GALNT15: variants seen among roughly 807,000 people sequenced by gnomAD.
GALNT15 encodes UDP-GalNAc transferase T15.
Under a neutral mutation model 66.8 loss-of-function variants are expected in GALNT15, and 67 were observed. That is an observed-to-expected ratio of 1.00 (90% CI 0.82 to 1.23). The LOEUF (loss-of-function observed/expected upper bound fraction) is 1.23, where lower values mean the gene tolerates loss of function less well. GALNT15 is among the 50% of genes most tolerant of loss of function. The pLI is 0.00. For missense variants in GALNT15, 827 were observed against 804.3 expected, an observed-to-expected ratio of 1.03 and a Z score of -0.34; for synonymous variants, 313 against 311.5, an observed-to-expected ratio of 1.00 and a Z score of -0.05.
the GALNT15 span, among the ~76,000 whole-genome samples, chr3:16,242,286 G>A: frequency 6.6e-6 from 1 of 152,180 alleles, no homozygotes; most frequent in Admixed American, 6.5e-5. The surrounding 1 kb of genome is among the most constrained non-coding windows in gnomAD (Gnocchi z 5.6). Flanking sequence ...ATGCCTGCAG[G>A]CCCAGTGGCT....
the GALNT15 span, among the ~76,000 whole-genome samples, chr3:16,242,600 A>T: frequency 7.4e-3 from 1,120 of 152,168 alleles, 11 homozygotes; most frequent in Middle Eastern, 0.017. The surrounding 1 kb of genome is among the most constrained non-coding windows in gnomAD (Gnocchi z 5.6). Flanking sequence ...TCTACCAAAA[A>T]AAAATAAAAT....
rs557659193 is a variant in GALNT15, at chr3:16,200,237, G to A, written c.707-382G>A. Among the ~76,000 whole-genome samples, 1 of 152,102 alleles carries A rather than the reference G, an allele frequency of 6.6e-6. No individual in the cohort carries two copies. The highest frequency in any genetic ancestry group is 1.5e-5 in the Non-Finnish European group (1 of 68,016). On this transcript the variant is annotated intron_variant, in intron 2 of 9. Coordinates refer to ENST00000339732, the MANE Select transcript of GALNT15 (RefSeq NM_054110.5). The surrounding 1 kb of genome is among the most constrained non-coding windows in gnomAD (Gnocchi z 4.4). ...CACATGATCCAATCACCTCCCACCA[G>A]GTCCCTCCCTCGCCACATAGGGATT...
At chr3:16,238,926 C>T in the GALNT15 span, among the ~76,000 whole-genome samples, 1 of 152,178 alleles carries the variant, frequency 6.6e-6, no homozygotes, top group Non-Finnish European at 1.5e-5. The surrounding 1 kb of genome is among the most constrained non-coding windows in gnomAD (Gnocchi z 4.8). Flanking sequence ...TAGTTGAGGA[C>T]AGGCAGTTCT....
In GALNT15 at chr3:16,203,342, G is replaced by A. The variant is rs1016671822; in HGVS notation, c.911+2519G>A. Among the ~76,000 whole-genome samples, 8 of 151,974 alleles carry A rather than the reference G, an allele frequency of 5.3e-5. No individual in the cohort carries two copies. In the East Asian group the frequency reaches 5.8e-4, roughly 11 times the overall value. ...CAGAGCTAGGTGAAGGTAGAAAGACGTGGCACTACCTCAGTGTCCTAGGCT... is the reference window on the plus strand; with the variant it reads ...CAGAGCTAGGTGAAGGTAGAAAGACATGGCACTACCTCAGTGTCCTAGGCT... On this transcript the variant is annotated intron_variant, in intron 3 of 9. Coordinates refer to ENST00000339732, the MANE Select transcript of GALNT15 (RefSeq NM_054110.5). The surrounding 1 kb of genome is among the most constrained non-coding windows in gnomAD (Gnocchi z 6.2).
At chr3:16,238,576 T>C in the GALNT15 span, among the ~76,000 whole-genome samples, 1 of 152,180 alleles carries the variant, frequency 6.6e-6, no homozygotes, top group African/African-American at 2.4e-5. The surrounding 1 kb of genome is among the most constrained non-coding windows in gnomAD (Gnocchi z 4.8). Context: ...CTCCGTTTTA[T>C]ATTATCTCAT....
At chr3:16,221,527 T>C (rs1314383386) in intron 8 of GALNT15, among the ~76,000 whole-genome samples, 2 of 152,308 alleles carry the variant, frequency 1.3e-5, no homozygotes, top group Admixed American at 1.3e-4. Context: ...CCCGGGAATC[T>C]ACAGCTGTTG....
rs1365501329 is a variant in GALNT15, at chr3:16,219,701, GT to G, written c.1524+171del. ...ATGCCAGTCTGAGGAAGGTGGCTGAGTTTTGCCCCATTACCCACCCCAAAGC... is the reference window on the plus strand; with the variant it reads ...ATGCCAGTCTGAGGAAGGTGGCTGAGTTTGCCCCATTACCCACCCCAAAGC... On this transcript the variant is annotated intron_variant, in intron 7 of 9. Transcript: ENST00000339732. This position sits in a 1 kb window ranked among gnomAD's most constrained non-coding sequence, Gnocchi z 4.3. Among the ~76,000 whole-genome samples the G allele has an allele frequency of 6.6e-5, 10 of 152,344 alleles. No individual in the cohort carries two copies. The South Asian group carries it at 2.1e-3, about 32-fold the overall frequency.
chr3:16,206,027 A>G (rs974123347), intron 3 of GALNT15, among the ~76,000 whole-genome samples: 1 of 152,224 alleles, frequency 6.6e-6, no homozygotes, highest in African/African-American at 2.4e-5. Flanking sequence ...GAGAAACATA[A>G]TGAATTTTAG....
downstream of GALNT15, chr3:16,231,950 C>A (rs2064086159): frequency 2.6e-6 from 4 of 1,520,536 alleles, no homozygotes; most frequent in Admixed American, 6.2e-5. The surrounding 1 kb of genome is among the most constrained non-coding windows in gnomAD (Gnocchi z 4.1). Flanking sequence ...TCAAGGGTGG[C>A]ATTGTTTAAT....
At chr3:16,202,240 G>A (rs989723501) in intron 3 of GALNT15, among the ~76,000 whole-genome samples, 13 of 152,222 alleles carry the variant, frequency 8.5e-5, no homozygotes, top group Non-Finnish European at 1.8e-4. Context: ...ACAGATTAAT[G>A]TTTCCCAGTT....
At position 16,204,952 on chromosome 3, in the gene GALNT15, C is replaced by T. The variant is rs571969926; in HGVS notation, c.912-3551C>T. Among the ~76,000 whole-genome samples the T allele has an allele frequency of 2.6e-5, 4 of 152,138 alleles. No individual in the cohort carries two copies. In the East Asian group the frequency reaches 5.8e-4, roughly 22 times the overall value. ...GTGGGGGGGAGCGAGCATGTGCGTG[C>T]GTGTGTGTGTGCGCGCGCATGTGCG... is the stretch of plus-strand genomic sequence containing the variant. On this transcript the variant is annotated intron_variant, in intron 3 of 9. Coordinates refer to ENST00000339732, the MANE Select transcript of GALNT15 (RefSeq NM_054110.5). This position sits in a 1 kb window ranked among gnomAD's most constrained non-coding sequence, Gnocchi z 4.5.
chr3:16,175,739 G>A lies in GALNT15; in HGVS notation c.539+49G>A. On this transcript the variant is annotated intron_variant, in intron 1 of 9. Coordinates refer to ENST00000339732, the MANE Select transcript of GALNT15 (RefSeq NM_054110.5). This position sits in a 1 kb window ranked among gnomAD's most constrained non-coding sequence, Gnocchi z 5.6. ...TTCCCTGATCCCAGGGCATGATCGG[G>A]TGGTAGCAAACTCGGGAATGCAAAC... is the stretch of plus-strand genomic sequence containing the variant. The A allele has an allele frequency of 6.7e-7, 1 of 1,493,012 alleles. No individual in the cohort carries two copies. The highest frequency in any genetic ancestry group is 8.9e-7 in the Non-Finnish European group (1 of 1,117,376). The allele number at this position is 1,493,012 out of a possible 1,614,324, so 92.5% of individuals were successfully genotyped here.
rs1209216060 is a variant in GALNT15, at chr3:16,209,771, G to A, written c.1079+1101G>A. ...CAGGAGGCAGAGGTTGCAATGAGCTGAGACCACACTACTGCACTCTAGCCT... is the reference window on the plus strand; with the variant it reads ...CAGGAGGCAGAGGTTGCAATGAGCTAAGACCACACTACTGCACTCTAGCCT... On this transcript the variant is annotated intron_variant, in intron 4 of 9. Coordinates refer to ENST00000339732, the MANE Select transcript of GALNT15 (RefSeq NM_054110.5). The surrounding 1 kb of genome is among the most constrained non-coding windows in gnomAD (Gnocchi z 4.1). Among the ~76,000 whole-genome samples, 1 of 152,156 alleles carries A rather than the reference G, an allele frequency of 6.6e-6. No individual in the cohort carries two copies. The highest frequency in any genetic ancestry group is 1.5e-5 in the Non-Finnish European group (1 of 68,024).
In GALNT15 at chr3:16,200,927, C is replaced by A; in HGVS notation, c.911+104C>A. 1 of 828,986 alleles carries A rather than the reference C, an allele frequency of 1.2e-6. No homozygotes were observed. Among genetic ancestry groups the A allele is most frequent in the East Asian group, 2.9e-5 (1 of 34,110 alleles). The allele number at this position is 828,986 out of a possible 1,614,324, so 51.4% of individuals were successfully genotyped here. A position where few individuals can be genotyped will look rare whatever the true frequency, so the allele number is the denominator to read the frequency against. ...ACCCACCTATTAATTCCTGAATCTCCATTAGAGAGTGATATATTCCCTTCG... is the reference window on the plus strand; with the variant it reads ...ACCCACCTATTAATTCCTGAATCTCAATTAGAGAGTGATATATTCCCTTCG... On this transcript the variant is annotated intron_variant, in intron 3 of 9. Coordinates refer to ENST00000339732, the MANE Select transcript of GALNT15 (RefSeq NM_054110.5). The surrounding 1 kb of genome is among the most constrained non-coding windows in gnomAD (Gnocchi z 4.4).
intron 3 of GALNT15, among the ~76,000 whole-genome samples, chr3:16,207,532 A>ATTGGACT (rs2063769867): frequency 3.2e-3 from 9 of 2,804 alleles, no homozygotes; most frequent in Admixed American, 9.3e-3. Flanking sequence ...AAAAAAAAAA[A>ATTGGACT]AAAAAAAAAA....
At chr3:16,206,530 G>A (rs1045998830) in intron 3 of GALNT15, among the ~76,000 whole-genome samples, 12 of 151,314 alleles carry the variant, frequency 7.9e-5, no homozygotes, top group Admixed American at 5.9e-4. Context: ...AAAATTAGCC[G>A]GGCGTTGTGG....
chr3:16,218,142 A>G (rs79547765), intron 6 of GALNT15, among the ~76,000 whole-genome samples: 12,451 of 152,278 alleles, frequency 0.082, 644 homozygotes, highest in South Asian at 0.22. Flanking sequence ...TGCTCAGGGA[A>G]TCACACTTTG....
chr3:16,213,474 A>G (rs1433821078), intron 6 of GALNT15, among the ~76,000 whole-genome samples: 1 of 150,614 alleles, frequency 6.6e-6, no homozygotes, highest in Non-Finnish European at 1.5e-5. Flanking sequence ...AAAAAAAAAT[A>G]GAGTCCAAAA....
rs375851432 is a variant in GALNT15, at chr3:16,199,327, C to A, written c.707-1292C>A. On this transcript the variant is annotated intron_variant, in intron 2 of 9. Transcript: ENST00000339732. Reference sequence around the variant, plus strand: ...CTTAGGCCTCTTTTTCTCCCTTCCCCTATAGAATCAACCTTCCTAACCGTC... The same window carrying A: ...CTTAGGCCTCTTTTTCTCCCTTCCCATATAGAATCAACCTTCCTAACCGTC... Among the ~76,000 whole-genome samples the A allele has an allele frequency of 1.4e-5, 2 of 142,040 alleles. 1 individual carries two copies. The highest frequency in any genetic ancestry group is 5.2e-5 in the African/African-American group (2 of 38,114). 93.2% of individuals were successfully genotyped at this position (142,040 alleles called of 152,430 possible).
Sources: gnomAD v4.1 joint callset for allele counts (sites outside exome capture counted in the v4.1 genomes callset) on GRCh38, gnomAD v4.1.1 for gene constraint, Gnocchi (gnomAD v3.1) non-coding constraint, MANE v1.5 for transcripts, NCBI Gene and HGNC (gene_info 2026-07-23, HGNC 2026-07-21) for gene names.